NRK: variants seen among roughly 807,000 people sequenced by gnomAD.
NRK encodes Nik related kinase.
In NRK, 67 loss-of-function variants were observed where a neutral mutation model predicts 125.2. The observed-to-expected ratio is 0.54, with a 90% CI of 0.44 to 0.66. NRK has a LOEUF of 0.66. Ranked by LOEUF, NRK falls within the 30% of genes least tolerant of loss-of-function variation. NRK has a pLI of 0.00. For missense variants in NRK, 1,224 were observed against 1,192.9 expected, an observed-to-expected ratio of 1.03 and a Z score of -0.38; for synonymous variants, 458 against 429.0, an observed-to-expected ratio of 1.07 and a Z score of -0.84.
intron 2 of NRK, among the ~76,000 whole-genome samples, chrX:105,836,422 G>A (rs2039265753): frequency 9.0e-6 from 1 of 111,522 alleles, no homozygotes; most frequent in Admixed American, 9.6e-5. Context: ...TGTTACAGAA[G>A]GTAGATGCTT....
At chrX:105,954,154 C>A (rs1432971915) in intron 28 of NRK, among the ~76,000 whole-genome samples, 2 of 111,530 alleles carry the variant, frequency 1.8e-5, no homozygotes, top group Non-Finnish European at 3.8e-5. Context: ...CTGTAAGCAT[C>A]TCACAGATTG....
chrX:105,897,176 C>G (rs2040095720), intron 7 of NRK, among the ~76,000 whole-genome samples: 2 of 112,411 alleles, frequency 1.8e-5, no homozygotes, highest in African/African-American at 6.5e-5. Context: ...ACAGTTTGTT[C>G]TAGATTTCTC....
intron 27 of NRK, among the ~76,000 whole-genome samples, chrX:105,952,253 TA>T (rs1264884806): frequency 1.8e-5 from 2 of 112,239 alleles, no homozygotes; most frequent in Non-Finnish European, 3.8e-5. Flanking sequence ...GGATTTTATT[TA>T]CTTATGGAAT....
chrX:105,880,629 C>T (rs933244156), intron 3 of NRK, among the ~76,000 whole-genome samples: 4 of 111,034 alleles, frequency 3.6e-5, no homozygotes, highest in Admixed American at 1.9e-4. Context: ...ATATTATTTT[C>T]CCTCTCCAAT....
intron 7 of NRK, among the ~76,000 whole-genome samples, chrX:105,897,283 AG>A (rs751078102): frequency 8.9e-6 from 1 of 112,696 alleles, no homozygotes; most frequent in Non-Finnish European, 1.9e-5. Flanking sequence ...TTAAGATTAT[AG>A]TTGTTTTTAA....
At chrX:105,891,465 A>G (rs762671005) in intron 5 of NRK, among the ~76,000 whole-genome samples, 16 of 112,204 alleles carry the variant, frequency 1.4e-4, no homozygotes, top group African/African-American at 5.2e-4. Context: ...TTTCAAAATA[A>G]TGACTAAAGC....
At chrX:105,857,396 G>T (rs764697992) in intron 2 of NRK, among the ~76,000 whole-genome samples, 5 of 111,306 alleles carry the variant, frequency 4.5e-5, no homozygotes, top group Non-Finnish European at 9.4e-5. Context: ...AATATGCATT[G>T]CTGAGATCGA....
At chrX:105,853,632 C>A (rs1378594627) in intron 2 of NRK, among the ~76,000 whole-genome samples, 1 of 112,037 alleles carries the variant, frequency 8.9e-6, no homozygotes, top group African/African-American at 3.2e-5. Flanking sequence ...GGGTGAATCC[C>A]AGGAAAGGGC....
chrX:105,916,542 C>T (rs963732350), intron 15 of NRK, among the ~76,000 whole-genome samples: 1 of 111,183 alleles, frequency 9.0e-6, no homozygotes, highest in Non-Finnish European at 1.9e-5. Flanking sequence ...GGCCAGATGG[C>T]GTACAGTTAA....
Position 105,908,890 on chromosome X carries a change from A to AT in NRK, c.1250dup (p.Met417IlefsTer11). 8.3e-7 allele frequency: 1 copy of AT among 1,210,925 alleles called. No homozygotes were observed. The highest frequency in any genetic ancestry group is 1.1e-6 in the Non-Finnish European group (1 of 894,968). The stretch of plus-strand genomic sequence containing the variant: ...GCTACAGGGAGCAGCCAGGGTATTC[A>AT]TGCCACTGCAGGCTCTGGACAGTGC... On this transcript the variant is annotated frameshift_variant, in exon 13 of 29. Transcript: ENST00000243300. LOFTEE classifies it high-confidence loss of function.
intron 2 of NRK, among the ~76,000 whole-genome samples, chrX:105,858,239 A>G (rs1343735268): frequency 9.0e-6 from 1 of 110,564 alleles, no homozygotes; most frequent in Non-Finnish European, 1.9e-5. Flanking sequence ...TAGTGAGACT[A>G]TTCTTCATGT....
chrX:105,867,241 A>T (rs1016949458), intron 2 of NRK, among the ~76,000 whole-genome samples: 2 of 111,517 alleles, frequency 1.8e-5, no homozygotes, highest in Non-Finnish European at 3.8e-5. Context: ...GACAAAGTAA[A>T]TCTCAAAGCC....
intron 2 of NRK, among the ~76,000 whole-genome samples, chrX:105,871,197 T>C (rs1314354864): frequency 9.0e-6 from 1 of 111,609 alleles, no homozygotes; most frequent in Non-Finnish European, 1.9e-5. Context: ...TTCGATTATT[T>C]TGTGAGCTCA....
At chrX:105,831,508 A>G (rs1409146225) in intron 2 of NRK, among the ~76,000 whole-genome samples, 1 of 112,559 alleles carries the variant, frequency 8.9e-6, no homozygotes, top group Non-Finnish European at 1.9e-5. Flanking sequence ...AACATTCTAT[A>G]TCATACTGTG....
intron 21 of NRK, among the ~76,000 whole-genome samples, chrX:105,935,533 T>C (rs1300655334): frequency 3.6e-5 from 4 of 109,958 alleles, no homozygotes; most frequent in Non-Finnish European, 5.7e-5. Context: ...CTTTGTATTC[T>C]ATTTCTTTTA....
At chrX:105,826,285 ATATATTATCATATAT>A (rs1466393334) in intron 1 of NRK, among the ~76,000 whole-genome samples, 1 of 65,888 alleles carries the variant, frequency 1.5e-5, no homozygotes, top group Non-Finnish European at 2.4e-5. Flanking sequence ...TATATGAAAT[ATATATTATCATATAT>A]ATAATAGATA....
chrX:105,850,025 C>T (rs2039451149), intron 2 of NRK, among the ~76,000 whole-genome samples: 2 of 112,378 alleles, frequency 1.8e-5, no homozygotes, highest in Non-Finnish European at 1.9e-5. Flanking sequence ...TTCCCTTCTG[C>T]ACTGCCCTAG....
At chrX:105,833,044 A>G (rs2039215553) in intron 2 of NRK, among the ~76,000 whole-genome samples, 1 of 110,761 alleles carries the variant, frequency 9.0e-6, no homozygotes, top group East Asian at 2.8e-4. Context: ...AAATAAAAAT[A>G]ATAAAATAAT....
chrX:105,894,894 T>C (rs1396000286), intron 6 of NRK, among the ~76,000 whole-genome samples: 1 of 112,074 alleles, frequency 8.9e-6, no homozygotes, highest in Non-Finnish European at 1.9e-5. Flanking sequence ...TACCACATCA[T>C]GGGTTAGCCA....
Sources: allele counts gnomAD v4.1 joint callset (sites outside exome capture counted in the v4.1 genomes callset), GRCh38; gene constraint gnomAD v4.1.1; transcripts MANE v1.5; gene names NCBI Gene and HGNC (gene_info 2026-07-23, HGNC 2026-07-21).